Variants in ABCA8 observed in about 807,000 individuals in gnomAD.
ABCA8 encodes the protein ATP binding cassette subfamily A member 8, also known as ABC-type organic anion transporter ABCA8.
Under a neutral mutation model 192.3 loss-of-function variants are expected in ABCA8, and 177 were observed. That is an observed-to-expected ratio of 0.92 (90% CI 0.81 to 1.04). The LOEUF is 1.04. Ranked by LOEUF, ABCA8 falls within the 50% of genes least tolerant of loss-of-function variation. ABCA8 has a pLI of 0.00. For missense variants in ABCA8, 1,915 were observed against 1,904.8 expected, an observed-to-expected ratio of 1.01 and a Z score of -0.10; for synonymous variants, 642 against 690.2, an observed-to-expected ratio of 0.93 and a Z score of 1.09.
In ABCA8 at chr17:68,918,382, C is replaced by A. The variant is rs1405195098; in HGVS notation, c.1908+45G>T. 3.3e-6 allele frequency: 5 copies of A among 1,536,698 alleles called. No homozygotes were observed. The South Asian group carries it at 3.7e-5, about 11-fold the overall frequency. On this transcript the variant is annotated intron_variant, in intron 15 of 39. Coordinates refer to ENST00000586539, the MANE Select transcript of ABCA8 (RefSeq NM_001288985.2). The stretch of plus-strand genomic sequence containing the variant: ...ATATTTGAACTATTACCAAAAGTTC[C>A]ATTTTTTAAACTTTGAATTCACCTG...
At chr17:68,895,658 C>CT (rs1286063255) in intron 21 of ABCA8, among the ~76,000 whole-genome samples, 1 of 152,174 alleles carries the variant, frequency 6.6e-6, no homozygotes, top group Non-Finnish European at 1.5e-5. Context: ...AAGCTTCACT[C>CT]TGAAAGGGTG....
intron 32 of ABCA8, 90 bp from the exon 33 acceptor site, chr17:68,877,769 A>C (rs2066244873): frequency 1.5e-6 from 2 of 1,350,798 alleles, no homozygotes. Context: ...AACCTAGAAA[A>C]ACTAGAGAAA....
chr17:68,910,503 G>T (rs116533024), intron 17 of ABCA8, among the ~76,000 whole-genome samples: 202 of 152,224 alleles, frequency 1.3e-3, no homozygotes, highest in African/African-American at 4.8e-3. Flanking sequence ...CTAAATAAAC[G>T]TAGGACCACA....
At chr17:68,903,594 T>A (rs2066973575) in intron 19 of ABCA8, 95 bp from the exon 20 acceptor site, 1 of 1,095,420 alleles carries the variant, frequency 9.1e-7, no homozygotes, top group African/African-American at 1.6e-5. Context: ...CTCTTCCGCG[T>A]TACTATAGGT....
rs757834139 is a variant in ABCA8 at position 68,896,084 on chromosome 17, G to C, written c.2765-1071C>G. Among the ~76,000 whole-genome samples the C allele has an allele frequency of 1.4e-4, 22 of 152,244 alleles. 1 individual carries two copies. The highest frequency in any genetic ancestry group is 3.1e-4 in the Non-Finnish European group (21 of 68,006). On this transcript the variant is annotated intron_variant, in intron 21 of 39. Coordinates refer to ENST00000586539, the MANE Select transcript of ABCA8 (RefSeq NM_001288985.2). Reference sequence around the variant, plus strand: ...TGAGATTCTTGTTTCAGGAACAGCGGCAAGCCATAAGAACAGTATGTGCTG... The same window carrying C: ...TGAGATTCTTGTTTCAGGAACAGCGCCAAGCCATAAGAACAGTATGTGCTG...
At chr17:68,934,475 T>C (rs2067998828) in intron 5 of ABCA8, among the ~76,000 whole-genome samples, 1 of 152,234 alleles carries the variant, frequency 6.6e-6, no homozygotes, top group Non-Finnish European at 1.5e-5. Context: ...AGGTGTTTGG[T>C]AGGAGGGTTG....
At chr17:68,876,792 A>C (rs1371689759) in intron 33 of ABCA8, 89 bp from the exon 34 acceptor site, 7 of 1,511,970 alleles carry the variant, frequency 4.6e-6, no homozygotes, top group Non-Finnish European at 6.4e-6. Flanking sequence ...AGCAGAACTC[A>C]AAAATGCAGT....
In ABCA8 at chr17:68,891,474, A is replaced by G. The variant is rs373681496; in HGVS notation, c.3144+15T>C. ...ATTATGCAAAATAATGGAAGTTGCA[A>G]TTACTCATTATTACCTTATAATCAT... On this transcript the variant is annotated intron_variant, in intron 24 of 39. Transcript: ENST00000586539. 6 of 1,564,608 alleles carry G rather than the reference A, an allele frequency of 3.8e-6. No homozygotes were observed. The African/African-American group carries it at 6.8e-5, about 18-fold the overall frequency.
chr17:68,871,992 G>A (rs2066070871), intron 37 of ABCA8, among the ~76,000 whole-genome samples: 1 of 152,018 alleles, frequency 6.6e-6, no homozygotes, highest in Non-Finnish European at 1.5e-5. Flanking sequence ...AAAGCCTCAG[G>A]CAGGTCCTTC....
At chr17:68,918,659 C>A (rs1248111144) in intron 14 of ABCA8, 113 bp from the exon 15 acceptor site, 8 of 1,103,822 alleles carry the variant, frequency 7.2e-6, no homozygotes, top group African/African-American at 1.6e-5. Context: ...CTGGGTCAGG[C>A]GCGGTGGCTC....
intron 29 of ABCA8, 42 bp downstream of exon 29, chr17:68,883,749 A>G (rs377496130): frequency 5.4e-6 from 7 of 1,284,908 alleles, no homozygotes; most frequent in South Asian, 1.3e-5. Context: ...ATATTTTACG[A>G]TATTGATCAA....
rs756148294 is a variant in ABCA8, at chr17:68,891,588, C to T, written c.3045G>A (p.Gln1015=). ...TERSTFLENG[Q]DNPIGFLAYI... ...ATGCCAGGAATCCGATTGGATTGTC[C>T]TGTCCATTCTGAAAAACCCAAAGAA... is the stretch of plus-strand genomic sequence containing the variant. The change falls in exon 24 of 40, where the codon CAG becomes CAA. Residue 1015 remains glutamine, a synonymous_variant. Coordinates refer to ENST00000586539, the MANE Select transcript of ABCA8 (RefSeq NM_001288985.2). 44 of 1,608,590 alleles carry T rather than the reference C, an allele frequency of 2.7e-5. No individual in the cohort carries two copies. The highest frequency in any genetic ancestry group is 3.5e-5 in the Non-Finnish European group (41 of 1,178,188).
intron 24 of ABCA8, among the ~76,000 whole-genome samples, chr17:68,889,687 A>G (rs568607728): frequency 6.6e-6 from 1 of 152,300 alleles, no homozygotes; most frequent in East Asian, 1.9e-4. Flanking sequence ...CTTTGCAGTC[A>G]ATAGCCTTTA....
At chr17:68,875,816 A>C in intron 35 of ABCA8, 83 bp from the exon 36 acceptor site, 1 of 1,454,304 alleles carries the variant, frequency 6.9e-7, no homozygotes, top group Non-Finnish European at 9.3e-7. Context: ...TTTAACTGGC[A>C]TGCGTGTGAA....
At chr17:68,931,530 A>G (rs1018885229) in intron 7 of ABCA8, among the ~76,000 whole-genome samples, 1 of 152,082 alleles carries the variant, frequency 6.6e-6, no homozygotes, top group African/African-American at 2.4e-5. Flanking sequence ...TTTCTTTAAA[A>G]GATTATCTTC....
intron 7 of ABCA8, 79 bp downstream of exon 7, chr17:68,932,209 C>CAAA: frequency 7.6e-6 from 7 of 917,976 alleles, no homozygotes; most frequent in African/African-American, 5.2e-5. Flanking sequence ...GACTCCATTT[C>CAAA]AAAAAAAAAA....
At chr17:68,924,033 AC>A (rs1375724402) in intron 11 of ABCA8, among the ~76,000 whole-genome samples, 1 of 152,114 alleles carries the variant, frequency 6.6e-6, no homozygotes, top group Non-Finnish European at 1.5e-5. Context: ...CTTTTAAAGG[AC>A]AAAAAATAGA....
intron 17 of ABCA8, among the ~76,000 whole-genome samples, chr17:68,908,882 A>T (rs528787882): frequency 1.3e-5 from 2 of 152,362 alleles, no homozygotes; most frequent in Admixed American, 1.3e-4. Context: ...GGTTATTCGA[A>T]CAATGGAATA....
chr17:68,925,943 T>C (rs2143661179), intron 10 of ABCA8, among the ~76,000 whole-genome samples: 1 of 152,352 alleles, frequency 6.6e-6, no homozygotes, highest in Non-Finnish European at 1.5e-5. Flanking sequence ...GCAACTCACT[T>C]ATTTGGATGA....
Sources: allele counts gnomAD v4.1 joint callset (sites outside exome capture counted in the v4.1 genomes callset), GRCh38; gene constraint gnomAD v4.1.1; transcripts MANE v1.5; gene names NCBI Gene and HGNC (gene_info 2026-07-23, HGNC 2026-07-21).